Variants in DIP2C observed in about 807,000 individuals in gnomAD.
The protein encoded by DIP2C is DIP2 acetate--CoA ligase C (putative), also known as disco-interacting protein 2 homolog C.
Under a neutral mutation model 192.4 loss-of-function variants are expected in DIP2C, and 33 were observed. That is an observed-to-expected ratio of 0.17 (90% CI 0.13 to 0.23). DIP2C has a LOEUF of 0.23. Among genes scored for constraint, DIP2C ranks in the 10% least tolerant of loss-of-function variants. DIP2C has a pLI of 1.00. For synonymous variants in DIP2C, 979 were observed against 864.1 expected (o/e 1.13, Z -2.33); for missense variants, 1,537 against 2,110.1 (o/e 0.73, Z 5.32).
At chr10:382,592 C>A (rs753592887) in intron 17 of DIP2C, 55 bp downstream of exon 17, 3 of 1,405,536 alleles carry the variant, frequency 2.1e-6, no homozygotes, top group Non-Finnish European at 2.0e-6. Context: ...TCTCCCTTCG[C>A]TGCTGAATTA....
intron 1 of DIP2C, among the ~76,000 whole-genome samples, chr10:492,023 C>T (rs1367349654): frequency 5.9e-5 from 9 of 151,912 alleles, no homozygotes; most frequent in Non-Finnish European, 1.0e-4. Context: ...CTCAAAATCC[C>T]GACCCCAGAA....
intron 1 of DIP2C, among the ~76,000 whole-genome samples, chr10:525,856 G>C (rs1847020751): frequency 1.3e-5 from 2 of 152,168 alleles, no homozygotes; most frequent in South Asian, 4.1e-4. Flanking sequence ...GGAATCCCTG[G>C]AGGGTAGTCA....
chr10:381,542 T>C (rs994640852), intron 17 of DIP2C, among the ~76,000 whole-genome samples: 4 of 152,116 alleles, frequency 2.6e-5, no homozygotes, highest in African/African-American at 9.7e-5. Context: ...GTGGGCCGTG[T>C]CCAGAGACCA....
intron 29 of DIP2C, among the ~76,000 whole-genome samples, chr10:337,923 G>A (rs1365884501): frequency 6.6e-6 from 1 of 150,456 alleles, no homozygotes; most frequent in Non-Finnish European, 1.5e-5. Context: ...CTAGGCTGAT[G>A]TGTATGTGTG....
chr10:544,517 T>C (rs1277043577), intron 1 of DIP2C, among the ~76,000 whole-genome samples: 2 of 152,214 alleles, frequency 1.3e-5, no homozygotes, highest in Admixed American at 6.5e-5. Context: ...GCCAGACTTT[T>C]CCAAAGCAAC....
chr10:580,505 G>A lies in DIP2C; in HGVS notation c.86-93975C>T, dbSNP rs750932369. 5.9e-5 allele frequency among the ~76,000 whole-genome samples: 9 copies of A among 152,058 alleles called. No individual in the cohort carries two copies. The East Asian group carries it at 1.3e-3, about 23-fold the overall frequency. ...ATGTCCAAATAGTGTGGATATAATA[G>A]TGCCCATAGTTATGCACATATGTAC... On this transcript the variant is annotated intron_variant, in intron 1 of 36. Transcript: ENST00000280886.
chr10:647,305 C>A (rs543935743), intron 1 of DIP2C, among the ~76,000 whole-genome samples: 1 of 151,402 alleles, frequency 6.6e-6, no homozygotes, highest in East Asian at 2.0e-4. Flanking sequence ...TCCACGTCCA[C>A]ATTGGACGGC....
chr10:674,789 T>TATATATATAGAGAGAGAGAGAGAG, intron 1 of DIP2C, among the ~76,000 whole-genome samples: 1 of 62,482 alleles, frequency 1.6e-5, no homozygotes, highest in African/African-American at 9.0e-5. Context: ...TATATATATA[T>TATATATATAGAGAGAGAGAGAGAG]AGAGAGAGAG....
intron 1 of DIP2C, among the ~76,000 whole-genome samples, chr10:521,007 G>A (rs182500964): frequency 6.6e-6 from 1 of 152,160 alleles, no homozygotes; most frequent in Admixed American, 6.5e-5. Flanking sequence ...TTAATCAAAT[G>A]GAAATATGAC....
Position 327,039 on chromosome 10 carries a change from G to T in DIP2C, c.3891C>A (p.Phe1297Leu), listed in dbSNP as rs568012997. Reference sequence around the variant, plus strand: ...AAATCGCCAGGTTCACCCTGCAACCGAACGAGGTGCTGACGGCCCGCGGGT... The same window carrying T: ...AAATCGCCAGGTTCACCCTGCAACCTAACGAGGTGCTGACGGCCCGCGGGT... Reference protein sequence around the residue: ...GLHPRAVSTSFGCRVNLAICL... With the variant: ...GLHPRAVSTSLGCRVNLAICL... The change falls in exon 31 of 37, where the codon TTC becomes TTA. Residue 1297 changes from phenylalanine (F) to leucine (L), a missense_variant. By Grantham distance (22) the Phe-to-Leu change is conservative. Coordinates refer to ENST00000280886, the MANE Select transcript of DIP2C (RefSeq NM_014974.3). 2.5e-6 allele frequency: 4 copies of T among 1,614,026 alleles called. No homozygotes were observed. The highest frequency in any genetic ancestry group is 3.4e-6 in the Non-Finnish European group (4 of 1,179,990).
intron 1 of DIP2C, among the ~76,000 whole-genome samples, chr10:612,554 A>G (rs150780635): frequency 1.1e-3 from 160 of 152,318 alleles, no homozygotes; most frequent in African/African-American, 3.7e-3. Flanking sequence ...TGATTTCAAA[A>G]GAACAGAGAT....
intron 3 of DIP2C, among the ~76,000 whole-genome samples, chr10:458,991 C>CAA (rs35681631): frequency 0.016 from 1,624 of 102,632 alleles, 49 homozygotes; most frequent in African/African-American, 0.053. Flanking sequence ...TCAACTTTTT[C>CAA]AAAAAAAAAA....
chr10:288,668 TC>T (rs1955295229), intron 32 of DIP2C, among the ~76,000 whole-genome samples: 1 of 152,120 alleles, frequency 6.6e-6, no homozygotes, highest in Non-Finnish European at 1.5e-5. Flanking sequence ...GGAAAATGAC[TC>T]TGAGCTGAAA....
In DIP2C at chr10:275,459, T is replaced by A. The variant is rs900730282; in HGVS notation, c.*1866A>T. On this transcript the variant is annotated 3_prime_UTR_variant, in exon 37 of 37. Transcript: ENST00000280886. Reference sequence around the variant, plus strand: ...CACCACATATGCAGACACATTTTTTTAAATGTGCCACTTTTTTTTTTTTTT... The same window carrying A: ...CACCACATATGCAGACACATTTTTTAAAATGTGCCACTTTTTTTTTTTTTT... 141 of 146,406 alleles carry A rather than the reference T, an allele frequency of 9.6e-4. No homozygotes were observed. Among genetic ancestry groups the A allele is most frequent in the African/African-American group, 3.4e-3 (133 of 39,322 alleles). The allele number at this position is 146,406 out of a possible 1,614,324, so 9.1% of individuals were successfully genotyped here. A position where few individuals can be genotyped will look rare whatever the true frequency, so the allele number is the denominator to read the frequency against.
intron 1 of DIP2C, among the ~76,000 whole-genome samples, chr10:593,693 G>A (rs1851536873): frequency 6.6e-6 from 1 of 152,060 alleles, no homozygotes; most frequent in African/African-American, 2.4e-5. Flanking sequence ...ACACGGCCTG[G>A]GGCACCACCT....
intron 2 of DIP2C, among the ~76,000 whole-genome samples, chr10:479,252 G>A (rs547893731): frequency 5.6e-4 from 85 of 151,424 alleles, no homozygotes; most frequent in African/African-American, 2.0e-3. Flanking sequence ...TATTCACTGG[G>A]ATGGGAACAT....
intron 3 of DIP2C, among the ~76,000 whole-genome samples, chr10:442,799 C>A (rs188072559): frequency 1.3e-5 from 2 of 152,308 alleles, no homozygotes; most frequent in East Asian, 3.9e-4. Flanking sequence ...CTGTCATATA[C>A]AAAGTTCACA....
At chr10:372,376 A>AG (rs1201564924) in intron 17 of DIP2C, among the ~76,000 whole-genome samples, 11 of 152,334 alleles carry the variant, frequency 7.2e-5, no homozygotes, top group African/African-American at 2.2e-4. Context: ...TGCCTGGCCA[A>AG]GATCCTCTTT....
At position 277,087 on chromosome 10, in the gene DIP2C, A is replaced by C. The variant is rs959070165; in HGVS notation, c.*238T>G. The stretch of plus-strand genomic sequence containing the variant: ...GAAAGTTTTGAAATGGGCTTTTCCA[A>C]CAAACTGAAGGCAGTAATCCAAAGT... On this transcript the variant is annotated 3_prime_UTR_variant, in exon 37 of 37. Transcript: ENST00000280886. The C allele has an allele frequency of 2.4e-5, 11 of 460,142 alleles. No homozygotes were observed. Among genetic ancestry groups the C allele is most frequent in the Admixed American group, 3.9e-5 (1 of 25,848 alleles). 28.5% of individuals were successfully genotyped at this position (460,142 alleles called of 1,614,324 possible). A position where few individuals can be genotyped will look rare whatever the true frequency, so the allele number is the denominator to read the frequency against.
Sources: gnomAD v4.1 joint callset for allele counts (sites outside exome capture counted in the v4.1 genomes callset) on GRCh38, gnomAD v4.1.1 for gene constraint, MANE v1.5 for transcripts, NCBI Gene and HGNC (gene_info 2026-07-23, HGNC 2026-07-21) for gene names.